SP3: variants seen among roughly 807,000 people sequenced by gnomAD.
SP3 encodes transcription factor Sp3.
A neutral mutation model predicts 70.3 loss-of-function variants in SP3; 10 were observed. The observed-to-expected ratio is 0.14, with a 90% CI of 0.09 to 0.24. The LOEUF (loss-of-function observed/expected upper bound fraction) is 0.24. Among genes scored for constraint, SP3 ranks in the 10% least tolerant of loss-of-function variants. The probability of loss-of-function intolerance (pLI) is 1.00; values close to 1 mark genes in which losing one functional copy is unlikely to be tolerated. For missense variants in SP3, 825 were observed against 914.6 expected, an observed-to-expected ratio of 0.90 and a Z score of 1.26; for synonymous variants, 402 against 333.5, an observed-to-expected ratio of 1.21 and a Z score of -2.24.
intron 4 of SP3, among the ~76,000 whole-genome samples, chr2:173,922,420 T>C (rs1689781580): frequency 6.6e-6 from 1 of 151,786 alleles, no homozygotes; most frequent in South Asian, 2.1e-4. Flanking sequence ...ATATGAAAGT[T>C]CTGAATGCCT....
chr2:173,911,590 C>G (rs973430419), intron 6 of SP3, among the ~76,000 whole-genome samples: 1 of 152,070 alleles, frequency 6.6e-6, no homozygotes, highest in African/African-American at 2.4e-5. Context: ...GGTACTTATA[C>G]CCTCTTTGGC....
At chr2:173,964,863 C>T (rs1054950896) in intron 1 of SP3, 17 of 494,452 alleles carry the variant, frequency 3.4e-5, no homozygotes, top group Non-Finnish European at 5.3e-5. Context: ...GCGCTCGCTC[C>T]TCTCGCACCG....
chr2:173,944,012 T>C (rs1306764974), intron 4 of SP3, among the ~76,000 whole-genome samples: 1 of 152,180 alleles, frequency 6.6e-6, no homozygotes, highest in Admixed American at 6.5e-5. Context: ...TATCTAAACA[T>C]AACAGAAAAG....
intron 6 of SP3, 85 bp downstream of exon 6, chr2:173,912,985 G>C: frequency 1.0e-6 from 1 of 999,196 alleles, no homozygotes; most frequent in South Asian, 2.5e-5. Flanking sequence ...ATTCAGTTCA[G>C]TAAGGAATGC....
At chr2:173,963,190 C>T (rs1356970396) in intron 3 of SP3, 1 of 152,104 alleles carries the variant, frequency 6.6e-6, no homozygotes, top group African/African-American at 2.4e-5. Context: ...AAAGTCACTG[C>T]AAATTTTAGT....
At chr2:173,957,469 G>A (rs1368193529) in intron 3 of SP3, among the ~76,000 whole-genome samples, 2 of 152,008 alleles carry the variant, frequency 1.3e-5, no homozygotes, top group African/African-American at 4.8e-5. Context: ...TAAAAAAGAG[G>A]CACTAATAAA....
chr2:173,916,238 A>G (rs1574398475), intron 5 of SP3: 1 of 152,102 alleles, frequency 6.6e-6, no homozygotes, highest in Non-Finnish European at 1.5e-5. Context: ...ATGAAGTCAC[A>G]AAAGTTCTAG....
Position 173,905,717 on chromosome 2 carries a change from G to A in SP3, c.*4224C>T, listed in dbSNP as rs1427779841. Among the ~76,000 whole-genome samples, 1 of 151,966 alleles carries A rather than the reference G, an allele frequency of 6.6e-6. No individual in the cohort carries two copies. The highest frequency in any genetic ancestry group is 1.5e-5 in the Non-Finnish European group (1 of 68,022). ...TGTATACCCTTTAGACTCCAGATTT[G>A]GCCAAGCGTGGTGGCTCACGCCTAT... On this transcript the variant is annotated 3_prime_UTR_variant, in exon 7 of 7. Coordinates refer to ENST00000310015, the MANE Select transcript of SP3 (RefSeq NM_003111.5).
Position 173,941,962 on chromosome 2 carries a change from G to A in SP3, c.1639+12911C>T, listed in dbSNP as rs370334220. 1.6e-4 allele frequency among the ~76,000 whole-genome samples: 25 copies of A among 152,164 alleles called. 1 individual carries two copies. The Middle Eastern group carries it at 0.01, about 63-fold the overall frequency. On this transcript the variant is annotated intron_variant, in intron 4 of 6. Coordinates refer to ENST00000310015, the MANE Select transcript of SP3 (RefSeq NM_003111.5). ...ATTGTTTCTGCTGGTTCTCATTCAC[G>A]GTATCTTACCTTCTCATATGCCTGG...
intron 4 of SP3, among the ~76,000 whole-genome samples, chr2:173,940,563 C>A (rs1690342063): frequency 6.6e-6 from 1 of 152,218 alleles, no homozygotes; most frequent in South Asian, 2.1e-4. Flanking sequence ...GAACAGATAA[C>A]AAAAATATGG....
intron 3 of SP3, among the ~76,000 whole-genome samples, chr2:173,960,762 A>G (rs1691044120): frequency 6.6e-6 from 1 of 151,988 alleles, no homozygotes; most frequent in Non-Finnish European, 1.5e-5. Flanking sequence ...TGAGGTCAGG[A>G]GATCGAGACC....
intron 4 of SP3, among the ~76,000 whole-genome samples, chr2:173,932,441 T>C (rs1317054114): frequency 1.3e-5 from 2 of 152,132 alleles, no homozygotes; most frequent in Non-Finnish European, 2.9e-5. Flanking sequence ...TCCGCCCATC[T>C]CGGCCTCCCA....
intron 3 of SP3, among the ~76,000 whole-genome samples, chr2:173,958,249 C>A (rs1342096293): frequency 2.1e-5 from 3 of 145,252 alleles, no homozygotes; most frequent in African/African-American, 2.5e-5. Flanking sequence ...AAAACAAAGT[C>A]AAATTTACAG....
chr2:173,924,047 G>A (rs193230413), intron 4 of SP3, among the ~76,000 whole-genome samples: 59 of 151,886 alleles, frequency 3.9e-4, no homozygotes, highest in Middle Eastern at 3.4e-3. Flanking sequence ...TTAGGGGTTA[G>A]GTTTTTAAAA....
chr2:173,912,069 T>G (rs1689501136), intron 6 of SP3, among the ~76,000 whole-genome samples: 1 of 152,192 alleles, frequency 6.6e-6, no homozygotes, highest in South Asian at 2.1e-4. Context: ...TCTGCCTTCC[T>G]TGGCCTCCCA....
rs118053261 is a variant in SP3 at position 173,954,163 on chromosome 2, C to T, written c.1639+710G>A. Among the ~76,000 whole-genome samples the T allele has an allele frequency of 4.7e-4, 72 of 152,300 alleles. 1 individual carries two copies. Among genetic ancestry groups the T allele is most frequent in the East Asian group, 4.4e-3 (23 of 5,188 alleles). On this transcript the variant is annotated intron_variant, in intron 4 of 6. Coordinates refer to ENST00000310015, the MANE Select transcript of SP3 (RefSeq NM_003111.5). ...AACATTCAATCAAATGTTATCTAGACAGACAACATTAATAGGGTAAAAATG... is the reference window on the plus strand; with the variant it reads ...AACATTCAATCAAATGTTATCTAGATAGACAACATTAATAGGGTAAAAATG...
chr2:173,933,592 C>CAGAAATATTAG (rs963997618), intron 4 of SP3, among the ~76,000 whole-genome samples: 6 of 135,346 alleles, frequency 4.4e-5, no homozygotes, highest in Admixed American at 8.0e-5. Context: ...TGAAGAGAAC[C>CAGAAATATTAG]AGAAATATTA....
At chr2:173,965,442 C>T, upstream of SP3, 1 of 494,146 alleles carries the variant, frequency 2.0e-6, no homozygotes, top group Non-Finnish European at 3.6e-6. Flanking sequence ...CGGCTGTGCT[C>T]ATTGGTCCAG....
chr2:173,935,788 T>C (rs936099775), intron 4 of SP3, among the ~76,000 whole-genome samples: 4 of 152,108 alleles, frequency 2.6e-5, no homozygotes, highest in Non-Finnish European at 5.9e-5. Flanking sequence ...CCATTCCAAC[T>C]AGTGTCATCT....
Sources: allele counts gnomAD v4.1 joint callset (sites outside exome capture counted in the v4.1 genomes callset), GRCh38; gene constraint gnomAD v4.1.1; transcripts MANE v1.5; gene names NCBI Gene and HGNC (gene_info 2026-07-23, HGNC 2026-07-21).